The following FRY variants were observed in gnomAD, a reference collection of about 807,000 sequenced individuals.
The protein encoded by FRY is FRY microtubule binding protein.
A neutral mutation model predicts 348.4 loss-of-function variants in FRY; 128 were observed. That is an observed-to-expected ratio of 0.37 (90% CI 0.32 to 0.43). FRY has a LOEUF of 0.43. Among genes scored for constraint, FRY ranks in the 20% least tolerant of loss-of-function variants. The probability of loss-of-function intolerance (pLI) is 1.00; values close to 1 mark genes in which losing one functional copy is unlikely to be tolerated. For synonymous variants in FRY, 1,370 were observed against 1,374.7 expected, an observed-to-expected ratio of 1.00 and a Z score of 0.08; for missense variants, 2,736 against 3,695.2, an observed-to-expected ratio of 0.74 and a Z score of 6.73.
At chr13:32,188,340 G>A (rs191825563) in intron 28 of FRY, among the ~76,000 whole-genome samples, 20 of 152,136 alleles carry the variant, frequency 1.3e-4, no homozygotes, top group African/African-American at 3.9e-4. Context: ...AAGAAAATTC[G>A]TGACTTTTAG....
intron 57 of FRY, among the ~76,000 whole-genome samples, chr13:32,277,176 C>T (rs528095062): frequency 1.3e-5 from 2 of 152,262 alleles, no homozygotes; most frequent in African/African-American, 4.8e-5. Flanking sequence ...TTAAGCCCTT[C>T]CTATAGTATG....
chr13:32,212,616 T>A (rs1011402431), intron 35 of FRY, among the ~76,000 whole-genome samples: 1 of 152,154 alleles, frequency 6.6e-6, no homozygotes, highest in Non-Finnish European at 1.5e-5. Context: ...GTTCTGGTGG[T>A]GGTGGAATTT....
In FRY at chr13:32,298,603, A is replaced by G. The variant is rs1445560903; in HGVS notation, c.*3143A>G. 1 of 152,260 alleles carries G rather than the reference A, an allele frequency of 6.6e-6. No individual in the cohort carries two copies. The highest frequency in any genetic ancestry group is 1.5e-5 in the Non-Finnish European group (1 of 68,054). 9.4% of individuals were successfully genotyped at this position (152,260 alleles called of 1,614,324 possible). ...TCTACGTTGGGTGATGATTAGTGCC[A>G]TGAAGAACAAAACGGATACAGTGAG... On this transcript the variant is annotated 3_prime_UTR_variant, in exon 61 of 61. Coordinates refer to ENST00000542859, the MANE Select transcript of FRY (RefSeq NM_023037.3).
chr13:32,194,828 A>T (rs1359021685), intron 29 of FRY, among the ~76,000 whole-genome samples: 1 of 152,220 alleles, frequency 6.6e-6, no homozygotes, highest in Non-Finnish European at 1.5e-5. Flanking sequence ...ATTCAGCATG[A>T]TTTATGTGCT....
chr13:32,069,757 A>C (rs992339991), intron 1 of FRY, among the ~76,000 whole-genome samples: 5 of 152,178 alleles, frequency 3.3e-5, no homozygotes, highest in Non-Finnish European at 5.9e-5. Flanking sequence ...GTACATGTGC[A>C]CAACGTGCAG....
intron 2 of FRY, among the ~76,000 whole-genome samples, chr13:32,087,823 G>A (rs967792671): frequency 6.6e-6 from 1 of 152,080 alleles, no homozygotes; most frequent in African/African-American, 2.4e-5. Flanking sequence ...TTTGTGAATT[G>A]GAAATTCTGC....
chr13:32,112,227 C>A (rs1197196487), intron 3 of FRY, among the ~76,000 whole-genome samples: 1 of 151,864 alleles, frequency 6.6e-6, no homozygotes. Context: ...CCTGTGATCT[C>A]ATCACAGTCA....
chr13:32,139,974 A>G (rs1017404690), intron 11 of FRY, among the ~76,000 whole-genome samples: 1 of 152,126 alleles, frequency 6.6e-6, no homozygotes, highest in African/African-American at 2.4e-5. Context: ...TGATGTTCAT[A>G]ATACTATGTG....
At chr13:32,289,808 C>T (rs1199605618) in intron 59 of FRY, 65 bp downstream of exon 59, 6 of 847,802 alleles carry the variant, frequency 7.1e-6, no homozygotes, top group Admixed American at 3.5e-5. Flanking sequence ...TTCTTCCTCA[C>T]TCCACCCCTT....
intron 43 of FRY, among the ~76,000 whole-genome samples, chr13:32,236,778 A>G (rs1886249712): frequency 6.6e-6 from 1 of 152,104 alleles, no homozygotes; most frequent in Admixed American, 6.6e-5. Context: ...TTTATTTTTA[A>G]GTTGAGCATT....
chr13:32,231,292 C>G lies in FRY; in HGVS notation c.5519C>G (p.Ser1840Cys), dbSNP rs201934314. Residue 1840 changes from serine to cysteine, a missense_variant, in exon 41 of 61, where the codon TCC becomes TGC. Ser to Cys is a moderately radical substitution (Grantham distance 112). Around this residue, in one of 9 missense-constraint regions of FRY, gnomAD observed 794 missense variants for 977.0 expected, o/e 0.81. Transcript: ENST00000542859. ...LRHVVSVFKD[S>C]KSGFHLEHQL... ...CACGTTGTATCTGTATTTAAAGATT[C>G]CAAATCAGGTACTTCATCTTATTTG... is the stretch of plus-strand genomic sequence containing the variant. 1 of 1,613,272 alleles carries G rather than the reference C, an allele frequency of 6.2e-7. No homozygotes were observed. The highest frequency in any genetic ancestry group is 1.1e-5 in the South Asian group (1 of 91,048).
In FRY at chr13:32,289,678, C is replaced by T; in HGVS notation, c.8515C>T (p.Leu2839=). ...QRLYKLHFQL[L]LLFQSYCKLI... is the part of the protein sequence containing the mutation. Reference sequence around the variant, plus strand: ...ATTATATAAGCTACACTTCCAGCTGCTATTGCTTTTTCAGTCCTACTGTAA... The same window carrying T: ...ATTATATAAGCTACACTTCCAGCTGTTATTGCTTTTTCAGTCCTACTGTAA... The change falls in exon 59 of 61, where the codon CTA becomes TTA. Residue 2839 remains leucine (L), a synonymous_variant. Coordinates refer to ENST00000542859, the MANE Select transcript of FRY (RefSeq NM_023037.3). The T allele has an allele frequency of 8.1e-6, 13 of 1,612,678 alleles. No homozygotes were observed. The highest frequency in any genetic ancestry group is 1.1e-5 in the Non-Finnish European group (13 of 1,178,674).
At chr13:32,072,852 A>G (rs577330707) in intron 1 of FRY, among the ~76,000 whole-genome samples, 21 of 152,360 alleles carry the variant, frequency 1.4e-4, no homozygotes, top group Admixed American at 2.6e-4. Flanking sequence ...AACTGGCAGA[A>G]AGAATAATTT....
intron 20 of FRY, among the ~76,000 whole-genome samples, 161 bp from the exon 21 acceptor site, chr13:32,178,016 A>G (rs1882475227): frequency 6.6e-6 from 1 of 152,212 alleles, no homozygotes; most frequent in Non-Finnish European, 1.5e-5. Context: ...CCACACACCA[A>G]GGTCAAATGT....
chr13:32,250,775 A>C (rs775752265), intron 49 of FRY, among the ~76,000 whole-genome samples: 1 of 152,240 alleles, frequency 6.6e-6, no homozygotes, highest in African/African-American at 2.4e-5. Flanking sequence ...TGGAACATGT[A>C]GCATAGTGCC....
chr13:32,269,478 G>T (rs1451687144), intron 55 of FRY, among the ~76,000 whole-genome samples: 2 of 152,164 alleles, frequency 1.3e-5, no homozygotes, highest in African/African-American at 4.8e-5. Flanking sequence ...ACCACCTGAG[G>T]TCAGAAATTC....
intron 41 of FRY, 117 bp downstream of exon 41, chr13:32,231,417 G>A (rs899561618): frequency 2.0e-6 from 2 of 990,232 alleles, no homozygotes; most frequent in African/African-American, 1.6e-5. Context: ...CATAGCACGA[G>A]CATATTCACA....
At chr13:32,164,575 C>T (rs2138190421) in intron 17 of FRY, among the ~76,000 whole-genome samples, 1 of 152,304 alleles carries the variant, frequency 6.6e-6, no homozygotes, top group East Asian at 1.9e-4. Flanking sequence ...CTTCTTCAAG[C>T]TACTAGATTT....
Position 32,131,841 on chromosome 13 carries a change from G to T in FRY, c.885+1G>T. The T allele has an allele frequency of 6.2e-7, 1 of 1,611,766 alleles. No homozygotes were observed. The highest frequency in any genetic ancestry group is 8.5e-7 in the Non-Finnish European group (1 of 1,177,868). ...TGAGGCCTCTCTTCAGTTTATGCAGGTAATGTCTTAGGCAGGAGAGCTAAG... is the reference window on the plus strand; with the variant it reads ...TGAGGCCTCTCTTCAGTTTATGCAGTTAATGTCTTAGGCAGGAGAGCTAAG... On this transcript the variant is annotated splice_donor_variant, in intron 8 of 60. Transcript: ENST00000542859. LOFTEE classifies it high-confidence loss of function.
Sources: gnomAD v4.1 joint callset for allele counts (sites outside exome capture counted in the v4.1 genomes callset) on GRCh38, gnomAD v4.1.1 for gene constraint, gnomAD v4.1.1 regional missense constraint, MANE v1.5 for transcripts, NCBI Gene and HGNC (gene_info 2026-07-23, HGNC 2026-07-21) for gene names.